The following MED27 variants were observed in gnomAD, a reference collection of about 807,000 sequenced individuals.
The protein encoded by MED27 is mediator complex subunit 27, also known as mediator of RNA polymerase II transcription subunit 27.
In MED27, 30 loss-of-function variants were observed where a neutral mutation model predicts 38.2. That is an observed-to-expected ratio of 0.79 (90% CI 0.59 to 1.07). The LOEUF is 1.07. MED27 is among the 50% of genes least tolerant of loss of function. MED27 has a pLI of 0.00. For missense variants in MED27, 289 were observed against 397.5 expected (o/e 0.73, Z 2.32); for synonymous variants, 122 against 153.5 (o/e 0.79, Z 1.52).
At chr9:132,073,752 A>G (rs1341277664) in intron 2 of MED27, 2 of 1,511,056 alleles carry the variant, frequency 1.3e-6, no homozygotes, top group African/African-American at 2.8e-5. Flanking sequence ...TCTGTAATAA[A>G]AAAAAAATCA....
chr9:131,946,298 A>AT (rs1830885397), intron 3 of MED27, among the ~76,000 whole-genome samples: 1 of 152,102 alleles, frequency 6.6e-6, no homozygotes, highest in Non-Finnish European at 1.5e-5. Context: ...TGGTAGTTCT[A>AT]TTTTTAACAT....
intron 6 of MED27, among the ~76,000 whole-genome samples, chr9:131,879,307 G>A (rs2131475388): frequency 6.6e-6 from 1 of 152,336 alleles, no homozygotes; most frequent in East Asian, 1.9e-4. Flanking sequence ...ACCTCAGGGT[G>A]GGCACGGGTG....
At chr9:131,986,575 T>C (rs1333682621) in intron 3 of MED27, among the ~76,000 whole-genome samples, 3 of 152,226 alleles carry the variant, frequency 2.0e-5, no homozygotes, top group Non-Finnish European at 4.4e-5. Context: ...TGTCTTACAC[T>C]GCCTTTAGTA....
chr9:131,983,338 T>C (rs759750692), intron 3 of MED27, among the ~76,000 whole-genome samples: 3 of 152,220 alleles, frequency 2.0e-5, no homozygotes, highest in Non-Finnish European at 4.4e-5. Flanking sequence ...GAAGGAAAAT[T>C]TTAAGACATG....
At chr9:131,928,333 C>G (rs1830519168) in intron 4 of MED27, among the ~76,000 whole-genome samples, 1 of 152,116 alleles carries the variant, frequency 6.6e-6, no homozygotes, top group South Asian at 2.1e-4. Context: ...GAAGCCTCCC[C>G]CGACCATCCC....
intron 5 of MED27, among the ~76,000 whole-genome samples, chr9:131,884,596 T>A (rs1839105079): frequency 6.6e-6 from 1 of 150,412 alleles, no homozygotes; most frequent in Non-Finnish European, 1.5e-5. Flanking sequence ...GTTACCTTGA[T>A]TCTCTTTACT....
chr9:132,038,482 G>A (rs1254583690), intron 2 of MED27, among the ~76,000 whole-genome samples: 1 of 152,082 alleles, frequency 6.6e-6, no homozygotes, highest in Admixed American at 6.5e-5. Context: ...GTGAGCCACC[G>A]CGCCCGGCCG....
At chr9:131,993,195 A>T (rs1832014745) in intron 3 of MED27, among the ~76,000 whole-genome samples, 1 of 152,018 alleles carries the variant, frequency 6.6e-6, no homozygotes, top group African/African-American at 2.4e-5. Flanking sequence ...CTGCTGGATA[A>T]ATAACACCAT....
At chr9:131,926,930 C>T (rs1260795126) in intron 4 of MED27, among the ~76,000 whole-genome samples, 1 of 152,036 alleles carries the variant, frequency 6.6e-6, no homozygotes, top group Non-Finnish European at 1.5e-5. Flanking sequence ...TTTTTCTTTT[C>T]TTACATTTTT....
intron 3 of MED27, among the ~76,000 whole-genome samples, chr9:131,973,457 C>CTTTT (rs747946439): frequency 1.4e-4 from 17 of 122,170 alleles, no homozygotes; most frequent in African/African-American, 3.1e-4. Context: ...TTTTTCTTTT[C>CTTTT]TTTTTTTTTT....
rs1329209184 is a variant in MED27 at position 131,884,211 on chromosome 9, T to C, written c.682-112A>G. On this transcript the variant is annotated intron_variant, in intron 5 of 7. Coordinates refer to ENST00000292035, the MANE Select transcript of MED27 (RefSeq NM_004269.4). Reference sequence around the variant, plus strand: ...CTTAAACTTGAAAAAAAAATCTGATTATAGAATAATAGGATCTCAGGGTTG... The same window carrying C: ...CTTAAACTTGAAAAAAAAATCTGATCATAGAATAATAGGATCTCAGGGTTG... 6.9e-6 allele frequency: 5 copies of C among 723,440 alleles called. No individual in the cohort carries two copies. In the South Asian group the frequency reaches 1.1e-4, roughly 16 times the overall value. The allele number at this position is 723,440 out of a possible 1,614,324, so 44.8% of individuals were successfully genotyped here.
chr9:131,920,477 C>T (rs1230012851), intron 4 of MED27, among the ~76,000 whole-genome samples: 2 of 152,214 alleles, frequency 1.3e-5, no homozygotes, highest in Admixed American at 6.5e-5. Flanking sequence ...GCCAGGCATT[C>T]TTCTAGGGGG....
At chr9:131,911,891 G>C (rs1367074644) in intron 4 of MED27, among the ~76,000 whole-genome samples, 1 of 152,102 alleles carries the variant, frequency 6.6e-6, no homozygotes, top group Non-Finnish European at 1.5e-5. Flanking sequence ...GCTGTTAACT[G>C]TCTATTGCCT....
rs1298349046 is a variant in MED27, at chr9:132,040,023, T to C, written c.349-25556A>G. Among the ~76,000 whole-genome samples, 2 of 152,100 alleles carry C rather than the reference T, an allele frequency of 1.3e-5. 1 individual carries two copies. Among genetic ancestry groups the C allele is most frequent in the Non-Finnish European group, 2.9e-5 (2 of 68,018 alleles). The stretch of plus-strand genomic sequence containing the variant: ...GTGGGACATTTTGATAAAGAGAAAA[T>C]ACACAATATTCCCCTTTCACATACA... On this transcript the variant is annotated intron_variant, in intron 2 of 7. Coordinates refer to ENST00000292035, the MANE Select transcript of MED27 (RefSeq NM_004269.4).
chr9:131,930,878 GTTA>G (rs1830572950), intron 4 of MED27, among the ~76,000 whole-genome samples: 1 of 152,172 alleles, frequency 6.6e-6, no homozygotes, highest in Non-Finnish European at 1.5e-5. Context: ...AAAGTGTAGA[GTTA>G]TTATTAGTTG....
chr9:131,927,806 C>A (rs924461116), intron 4 of MED27, among the ~76,000 whole-genome samples: 5 of 152,172 alleles, frequency 3.3e-5, no homozygotes, highest in Non-Finnish European at 7.4e-5. Context: ...CCTTTTTATA[C>A]TCTGAAGAAA....
chr9:132,040,439 T>A (rs1424443115), intron 2 of MED27, among the ~76,000 whole-genome samples: 1 of 152,022 alleles, frequency 6.6e-6, no homozygotes, highest in Non-Finnish European at 1.5e-5. Context: ...GGCTGGCTGG[T>A]CTTAGGCGGC....
chr9:131,996,648 G>T (rs1278031198), intron 3 of MED27, among the ~76,000 whole-genome samples: 2 of 152,210 alleles, frequency 1.3e-5, no homozygotes, highest in Non-Finnish European at 2.9e-5. Flanking sequence ...TGGCAGTGAA[G>T]AACACAGCAC....
intron 2 of MED27, among the ~76,000 whole-genome samples, chr9:132,046,775 CCGCACATA>C (rs1332648716): frequency 4.6e-5 from 7 of 152,158 alleles, no homozygotes. Context: ...AATCTGTCCC[CCGCACATA>C]CGCACATACA....
Sources: allele counts gnomAD v4.1 joint callset (sites outside exome capture counted in the v4.1 genomes callset), GRCh38; gene constraint gnomAD v4.1.1; transcripts MANE v1.5; gene names NCBI Gene and HGNC (gene_info 2026-07-23, HGNC 2026-07-21).